The following ZNF704 variants were observed in gnomAD, a reference collection of about 807,000 sequenced individuals.
ZNF704 encodes glucocorticoid induced gene 1.
ZNF704 carries 10 observed loss-of-function variants against 44.7 expected under a neutral mutation model. The ratio of observed to expected loss-of-function variants is 0.22; its 90% CI spans 0.14 to 0.38. The LOEUF (loss-of-function observed/expected upper bound fraction) is 0.38. Ranked by LOEUF, ZNF704 falls within the 10% of genes least tolerant of loss-of-function variation. The pLI is 1.00. For synonymous variants in ZNF704, 211 were observed against 207.6 expected, an observed-to-expected ratio of 1.02 and a Z score of -0.14; for missense variants, 390 against 545.5, an observed-to-expected ratio of 0.71 and a Z score of 2.84.
chr8:80,715,801 T>G (rs1363194547), intron 2 of ZNF704, among the ~76,000 whole-genome samples: 3 of 152,176 alleles, frequency 2.0e-5, no homozygotes, highest in Non-Finnish European at 4.4e-5. Flanking sequence ...GAGTCTGGGC[T>G]GGGCGCCGTG....
chr8:80,650,949 C>T (rs186529515), intron 7 of ZNF704, among the ~76,000 whole-genome samples: 14 of 152,298 alleles, frequency 9.2e-5, no homozygotes, highest in Admixed American at 4.6e-4. Flanking sequence ...GGAAGCCCAT[C>T]GGACTAACAG....
chr8:80,748,885 G>C (rs1024788242), intron 2 of ZNF704, among the ~76,000 whole-genome samples: 3 of 152,178 alleles, frequency 2.0e-5, no homozygotes, highest in African/African-American at 7.2e-5. Context: ...CTGGGGAGTA[G>C]GAGAAACGCA....
chr8:80,871,171 T>G (rs1176812875), intron 1 of ZNF704, among the ~76,000 whole-genome samples: 1 of 152,230 alleles, frequency 6.6e-6, no homozygotes, highest in African/African-American at 2.4e-5. Context: ...CCTCTACTAC[T>G]GTCCTCCACA....
rs1361578418 is a variant in ZNF704 at position 80,629,143 on chromosome 8, C to G, written c.*12223G>C. ...TAGAGAACAGCATTTAGAAAAACAA[C>G]ATCATTTAAACATTCAACAAATCTA... On this transcript the variant is annotated 3_prime_UTR_variant, in exon 9 of 9. Coordinates refer to ENST00000327835, the MANE Select transcript of ZNF704 (RefSeq NM_001033723.3). 6.6e-6 allele frequency: 1 copy of G among 151,926 alleles called. No individual in the cohort carries two copies. The highest frequency in any genetic ancestry group is 2.4e-5 in the African/African-American group (1 of 41,348). The allele number at this position is 151,926 out of a possible 1,614,324, so 9.4% of individuals were successfully genotyped here.
intron 5 of ZNF704, among the ~76,000 whole-genome samples, chr8:80,666,292 A>G (rs915868453): frequency 6.6e-6 from 1 of 150,440 alleles, no homozygotes; most frequent in African/African-American, 2.4e-5. Flanking sequence ...AAGGACATGA[A>G]CTCATCATTT....
intron 7 of ZNF704, among the ~76,000 whole-genome samples, chr8:80,652,889 C>G (rs978917665): frequency 6.6e-6 from 1 of 152,206 alleles, no homozygotes; most frequent in East Asian, 1.9e-4. Context: ...AGACCAATAT[C>G]CCTGATGAAC....
chr8:80,727,970 A>G (rs1806513767), intron 2 of ZNF704, among the ~76,000 whole-genome samples: 2 of 152,146 alleles, frequency 1.3e-5, no homozygotes, highest in East Asian at 3.9e-4. Flanking sequence ...AAAGGTAACC[A>G]GCATTCTTCA....
chr8:80,777,771 C>T (rs1466040506), intron 2 of ZNF704, among the ~76,000 whole-genome samples: 25 of 151,380 alleles, frequency 1.7e-4, no homozygotes, highest in Admixed American at 1.1e-3. Context: ...CCCAGCTACG[C>T]GGGAGGCTGA....
chr8:80,681,597 TG>T (rs1218155956), intron 4 of ZNF704, among the ~76,000 whole-genome samples: 1 of 152,148 alleles, frequency 6.6e-6, no homozygotes, highest in Admixed American at 6.5e-5. Context: ...ATACTTAAAA[TG>T]GGTTCATTTT....
rs1358825497 is a variant in ZNF704, at chr8:80,821,610, C to T, written c.-16G>A. The T allele has an allele frequency of 1.9e-6, 3 of 1,610,228 alleles. No homozygotes were observed. Among genetic ancestry groups the T allele is most frequent in the African/African-American group, 2.7e-5 (2 of 74,734 alleles). Reference sequence around the variant, plus strand: ...TGAAGGTCATTTCCCGCTTAATGCTCCCCACCTGTGAAATGAAACACAGAA... The same window carrying T: ...TGAAGGTCATTTCCCGCTTAATGCTTCCCACCTGTGAAATGAAACACAGAA... On this transcript the variant is annotated 5_prime_UTR_variant, in exon 2 of 9. Coordinates refer to ENST00000327835, the MANE Select transcript of ZNF704 (RefSeq NM_001033723.3).
At chr8:80,684,080 T>TTAA (rs1174019919) in intron 4 of ZNF704, among the ~76,000 whole-genome samples, 1 of 152,214 alleles carries the variant, frequency 6.6e-6, no homozygotes, top group African/African-American at 2.4e-5. Flanking sequence ...GAGGGGCATG[T>TTAA]TAATACCTGT....
chr8:80,647,450 T>C (rs968233890), intron 7 of ZNF704, among the ~76,000 whole-genome samples: 5 of 151,430 alleles, frequency 3.3e-5, no homozygotes, highest in African/African-American at 1.2e-4. Context: ...AAGTAAGCCA[T>C]TGGAGTGTTT....
chr8:80,821,668 G>C (rs979917301), intron 1 of ZNF704, 53 bp from the exon 2 acceptor site: 3 of 1,345,738 alleles, frequency 2.2e-6, no homozygotes, highest in African/African-American at 1.5e-5. Context: ...ACCTTTGTAC[G>C]ACTACTGCAG....
At chr8:80,818,904 AAACTTGGT>A (rs1030088606) in intron 2 of ZNF704, among the ~76,000 whole-genome samples, 8 of 152,304 alleles carry the variant, frequency 5.3e-5, no homozygotes, top group African/African-American at 1.9e-4. Flanking sequence ...GACATTTATT[AAACTTGGT>A]AGCAGTAAAT....
chr8:80,882,644 C>G, the ZNF704 span, among the ~76,000 whole-genome samples: 1 of 152,114 alleles, frequency 6.6e-6, no homozygotes, highest in Admixed American at 6.6e-5. Flanking sequence ...TTCCTGTTTT[C>G]CACCAATGTT....
At chr8:80,643,178 T>G (rs199944011) in intron 7 of ZNF704, 49 bp from the exon 8 acceptor site, 52 of 1,422,368 alleles carry the variant, frequency 3.7e-5, no homozygotes, top group Middle Eastern at 3.6e-4. Flanking sequence ...TCTCCACCCA[T>G]GCAGTTAGTT....
Position 80,721,451 on chromosome 8 carries a change from A to G in ZNF704, c.222-28344T>C, listed in dbSNP as rs142895517. ...AGATGTTTTGCATTCGAAGTTTCAC[A>G]AGAGTTTAATTAAAATATATTGATA... On this transcript the variant is annotated intron_variant, in intron 2 of 8. Transcript: ENST00000327835. Among the ~76,000 whole-genome samples, 19 of 152,310 alleles carry G rather than the reference A, an allele frequency of 1.2e-4. No homozygotes were observed. The East Asian group carries it at 1.9e-3, about 15-fold the overall frequency.
intron 4 of ZNF704, among the ~76,000 whole-genome samples, chr8:80,681,133 G>A (rs561157562): frequency 6.6e-6 from 1 of 152,188 alleles, no homozygotes; most frequent in Non-Finnish European, 1.5e-5. Context: ...TGGGCATTTG[G>A]GTTGTTTCCA....
intron 2 of ZNF704, among the ~76,000 whole-genome samples, chr8:80,745,994 A>C (rs1280533199): frequency 6.6e-6 from 1 of 152,174 alleles, no homozygotes; most frequent in Non-Finnish European, 1.5e-5. Flanking sequence ...GGACTTTCTC[A>C]CAACTCAGAC....
Sources: gnomAD v4.1 joint callset for allele counts (sites outside exome capture counted in the v4.1 genomes callset) on GRCh38, gnomAD v4.1.1 for gene constraint, MANE v1.5 for transcripts, NCBI Gene and HGNC (gene_info 2026-07-23, HGNC 2026-07-21) for gene names.